Variants in UNC13C observed in about 807,000 individuals in gnomAD.
UNC13C encodes the protein protein unc-13 homolog C.
In UNC13C, 174 loss-of-function variants were observed where a neutral mutation model predicts 245.4. That is an observed-to-expected ratio of 0.71 (90% CI 0.63 to 0.80). The LOEUF is 0.80. Ranked by LOEUF, UNC13C falls within the 30% of genes least tolerant of loss-of-function variation. The pLI is 0.00. For missense variants in UNC13C, 2,829 were observed against 2,602.9 expected, an observed-to-expected ratio of 1.09 and a Z score of -1.89; for synonymous variants, 992 against 895.1, an observed-to-expected ratio of 1.11 and a Z score of -1.93.
At chr15:54,162,095 G>A (rs575548220) in intron 4 of UNC13C, among the ~76,000 whole-genome samples, 1 of 152,266 alleles carries the variant, frequency 6.6e-6, no homozygotes, top group South Asian at 2.1e-4. Flanking sequence ...ACATATAATA[G>A]AGTCATATTG....
chr15:54,203,987 C>T (rs1259918673), intron 4 of UNC13C, among the ~76,000 whole-genome samples: 1 of 151,348 alleles, frequency 6.6e-6, no homozygotes, highest in Non-Finnish European at 1.5e-5. Context: ...AAAATAATGG[C>T]ATTTGCAACA....
chr15:54,332,773 G>A (rs894837283), intron 15 of UNC13C, among the ~76,000 whole-genome samples: 23 of 151,870 alleles, frequency 1.5e-4, no homozygotes, highest in African/African-American at 5.6e-4. Context: ...ATGCTCTCTT[G>A]TATCTTACAT....
chr15:54,538,599 A>C (rs1015581230), intron 26 of UNC13C, among the ~76,000 whole-genome samples: 3 of 152,006 alleles, frequency 2.0e-5, no homozygotes, highest in Non-Finnish European at 4.4e-5. Context: ...CAACCTAAAT[A>C]GCCCATCAAT....
chr15:54,467,499 C>A (rs1475425984), intron 19 of UNC13C, among the ~76,000 whole-genome samples: 1 of 151,554 alleles, frequency 6.6e-6, no homozygotes, highest in Non-Finnish European at 1.5e-5. Context: ...ATTCCTCTCC[C>A]TTAGCTATTT....
chr15:54,456,150 A>C (rs969082985), intron 19 of UNC13C, among the ~76,000 whole-genome samples: 1 of 151,968 alleles, frequency 6.6e-6, no homozygotes, highest in African/African-American at 2.4e-5. Flanking sequence ...GCCGAGCATC[A>C]GTTGGCTGTG....
chr15:54,036,096 T>C (rs1896568645), intron 2 of UNC13C, among the ~76,000 whole-genome samples: 1 of 152,210 alleles, frequency 6.6e-6, no homozygotes, highest in Non-Finnish European at 1.5e-5. Flanking sequence ...GGACACTTGA[T>C]TGTCTCTGTC....
intron 19 of UNC13C, among the ~76,000 whole-genome samples, chr15:54,491,003 G>C (rs1265982634): frequency 6.6e-6 from 1 of 152,138 alleles, no homozygotes; most frequent in Non-Finnish European, 1.5e-5. Flanking sequence ...CAAGGCACTT[G>C]CCATATTGTA....
rs531252272 is a variant in UNC13C at position 54,355,842 on chromosome 15, A to G, written c.4713+17353A>G. Reference sequence around the variant, plus strand: ...TTATCACCTTTCTGCATATCCTTTCAGAGATACTGCATTCATACCTATGTA... The same window carrying G: ...TTATCACCTTTCTGCATATCCTTTCGGAGATACTGCATTCATACCTATGTA... On this transcript the variant is annotated intron_variant, in intron 17 of 32. Transcript: ENST00000260323. Among the ~76,000 whole-genome samples, 251 of 152,282 alleles carry G rather than the reference A, an allele frequency of 1.6e-3. 1 individual carries two copies. Among genetic ancestry groups the G allele is most frequent in the Non-Finnish European group, 3.2e-3 (219 of 68,022 alleles).
intron 19 of UNC13C, among the ~76,000 whole-genome samples, chr15:54,471,273 T>C (rs1411534769): frequency 6.6e-6 from 1 of 151,566 alleles, no homozygotes; most frequent in Non-Finnish European, 1.5e-5. Flanking sequence ...GGGTTATCTA[T>C]CTATTGTTGA....
At chr15:53,879,985 A>G in the UNC13C span, among the ~76,000 whole-genome samples, 1 of 151,852 alleles carries the variant, frequency 6.6e-6, no homozygotes, top group South Asian at 2.1e-4. Context: ...ATACATATAT[A>G]TGTAATTTTT....
intron 2 of UNC13C, among the ~76,000 whole-genome samples, chr15:54,135,820 T>C (rs1210758593): frequency 6.6e-6 from 1 of 152,158 alleles, no homozygotes; most frequent in African/African-American, 2.4e-5. Flanking sequence ...AGAATTTTTT[T>C]TCTATTTCTG....
rs1471759880 is a variant in UNC13C at position 54,322,110 on chromosome 15, T to C, written c.4425+15T>C. The C allele has an allele frequency of 6.5e-7, 1 of 1,534,910 alleles. No homozygotes were observed. Among genetic ancestry groups the C allele is most frequent in the African/African-American group, 1.4e-5 (1 of 71,706 alleles). On this transcript the variant is annotated intron_variant, in intron 14 of 32. Coordinates refer to ENST00000260323, the MANE Select transcript of UNC13C (RefSeq NM_001080534.3). Reference sequence around the variant, plus strand: ...CCAACTTTGGTGTAAGTATAATTTTTTAAACTTTAAAATTCCTAGCAGCTT... The same window carrying C: ...CCAACTTTGGTGTAAGTATAATTTTCTAAACTTTAAAATTCCTAGCAGCTT...
intron 18 of UNC13C, among the ~76,000 whole-genome samples, chr15:54,402,538 G>C (rs1322197065): frequency 6.6e-6 from 1 of 152,006 alleles, no homozygotes; most frequent in African/African-American, 2.4e-5. Context: ...AACACAACTA[G>C]ATATTTATAT....
chr15:54,201,551 T>A (rs1214019151), intron 4 of UNC13C, among the ~76,000 whole-genome samples: 1 of 151,646 alleles, frequency 6.6e-6, no homozygotes, highest in African/African-American at 2.4e-5. Flanking sequence ...TAAACAGAAT[T>A]GAAAACAAAA....
At chr15:54,464,971 G>A (rs1423194649) in intron 19 of UNC13C, among the ~76,000 whole-genome samples, 1 of 150,870 alleles carries the variant, frequency 6.6e-6, no homozygotes, top group Non-Finnish European at 1.5e-5. Flanking sequence ...AAGTTGATTT[G>A]TTATAACAAA....
intron 2 of UNC13C, among the ~76,000 whole-genome samples, chr15:54,142,671 C>T (rs12591326): frequency 0.56 from 84,815 of 152,056 alleles, 24,555 homozygotes; most frequent in Non-Finnish European, 0.64. Context: ...GCTCTTGACT[C>T]CAAAGAGTTT....
chr15:54,396,918 T>A (rs1312975661), intron 18 of UNC13C, among the ~76,000 whole-genome samples: 1 of 151,042 alleles, frequency 6.6e-6, no homozygotes, highest in African/African-American at 2.4e-5. Context: ...TAGATAAAAG[T>A]CTGTCATCAG....
At chr15:54,559,869 G>C (rs1259059748) in intron 29 of UNC13C, among the ~76,000 whole-genome samples, 1 of 151,970 alleles carries the variant, frequency 6.6e-6, no homozygotes, top group Non-Finnish European at 1.5e-5. Flanking sequence ...CACAGGGAAT[G>C]AAAGAGGAAC....
At chr15:54,303,368 C>A (rs1301496447) in intron 13 of UNC13C, among the ~76,000 whole-genome samples, 4 of 152,124 alleles carry the variant, frequency 2.6e-5, no homozygotes, top group Non-Finnish European at 5.9e-5. Context: ...AAAATCAAAA[C>A]AACCTGCTGC....
Sources: allele counts gnomAD v4.1 joint callset (sites outside exome capture counted in the v4.1 genomes callset), GRCh38; gene constraint gnomAD v4.1.1; transcripts MANE v1.5; gene names NCBI Gene and HGNC (gene_info 2026-07-23, HGNC 2026-07-21).